Variants in SLC35F3 observed in about 807,000 individuals in gnomAD.
SLC35F3 encodes the protein putative thiamine transporter SLC35F3.
In SLC35F3, 25 loss-of-function variants were observed where a neutral mutation model predicts 49.9. The observed-to-expected ratio is 0.50, with a 90% CI of 0.37 to 0.70. The LOEUF (loss-of-function observed/expected upper bound fraction) is 0.70. SLC35F3 is among the 30% of genes least tolerant of loss of function. The pLI is 0.00. For missense variants in SLC35F3, 525 were observed against 639.8 expected, an observed-to-expected ratio of 0.82 and a Z score of 1.94; for synonymous variants, 275 against 265.4, an observed-to-expected ratio of 1.04 and a Z score of -0.35.
intron 2 of SLC35F3, among the ~76,000 whole-genome samples, chr1:234,192,830 G>A (rs144000890): frequency 2.6e-5 from 4 of 151,970 alleles, no homozygotes; most frequent in East Asian, 1.9e-4. Flanking sequence ...TCAAGAACTC[G>A]ACCCTTTTTA....
intron 2 of SLC35F3, among the ~76,000 whole-genome samples, chr1:234,141,761 C>G (rs917613631): frequency 2.0e-5 from 3 of 152,182 alleles, no homozygotes; most frequent in Non-Finnish European, 4.4e-5. Flanking sequence ...CCTCCCACAC[C>G]TTTGCCCATG....
rs11585103 is a variant in SLC35F3 at position 234,087,656 on chromosome 1, T to C, written c.284-143761T>C. 6.3e-3 allele frequency among the ~76,000 whole-genome samples: 954 copies of C among 152,210 alleles called. 4 individuals are homozygous for C. Among genetic ancestry groups the C allele is most frequent in the South Asian group, 0.024 (114 of 4,818 alleles). ...TGAGCCTTTCAAAGCATAAAACAAA[T>C]TGTATCACTCTTCTGTTAAAAAAAA... On this transcript the variant is annotated intron_variant, in intron 2 of 7. Transcript: ENST00000366618.
chr1:234,125,341 A>G (rs973092908), intron 2 of SLC35F3, among the ~76,000 whole-genome samples: 1 of 152,174 alleles, frequency 6.6e-6, no homozygotes, highest in African/African-American at 2.4e-5. Context: ...CTCCATGTCC[A>G]TTTTGAATGG....
At chr1:234,029,908 G>A (rs972705258) in intron 2 of SLC35F3, among the ~76,000 whole-genome samples, 10 of 152,158 alleles carry the variant, frequency 6.6e-5, no homozygotes, top group African/African-American at 2.4e-4. Context: ...ATTTGATTCT[G>A]TACAGAATTT....
chr1:234,257,511 A>G (rs1417567953), intron 3 of SLC35F3, among the ~76,000 whole-genome samples: 1 of 152,258 alleles, frequency 6.6e-6, no homozygotes, highest in East Asian at 1.9e-4. Flanking sequence ...CAGCAAAAGA[A>G]GATGGACAAG....
chr1:234,281,418 C>A (rs1281233340), intron 3 of SLC35F3, among the ~76,000 whole-genome samples: 2 of 152,304 alleles, frequency 1.3e-5, no homozygotes, highest in East Asian at 3.9e-4. Flanking sequence ...CTTATGGCAG[C>A]CCAGGCAGAC....
At chr1:234,092,264 CTT>C (rs1410471238) in intron 2 of SLC35F3, among the ~76,000 whole-genome samples, 2 of 152,164 alleles carry the variant, frequency 1.3e-5, no homozygotes, top group African/African-American at 4.8e-5. Context: ...TTGGGTAAGA[CTT>C]TACCAAAGCA....
chr1:234,030,135 C>T (rs1337960831), intron 2 of SLC35F3, among the ~76,000 whole-genome samples: 1 of 152,146 alleles, frequency 6.6e-6, no homozygotes, highest in African/African-American at 2.4e-5. Context: ...ATACACTATT[C>T]CCAATATTAT....
At chr1:234,058,086 C>CAA (rs1664481633) in intron 2 of SLC35F3, among the ~76,000 whole-genome samples, 7 of 152,072 alleles carry the variant, frequency 4.6e-5, no homozygotes, top group Non-Finnish European at 1.0e-4. Context: ...GGTTTGCATA[C>CAA]ATACCCTTAT....
intron 2 of SLC35F3, among the ~76,000 whole-genome samples, chr1:233,924,024 T>G (rs1662112247): frequency 6.6e-6 from 1 of 152,198 alleles, no homozygotes; most frequent in Non-Finnish European, 1.5e-5. Context: ...AGCTTTTTGA[T>G]GTGCTGCTGG....
chr1:234,259,340 C>T (rs1667866646), intron 3 of SLC35F3, among the ~76,000 whole-genome samples: 1 of 152,156 alleles, frequency 6.6e-6, no homozygotes, highest in South Asian at 2.1e-4. Flanking sequence ...AGCTTCCCAC[C>T]TCCCATTAGC....
intron 2 of SLC35F3, among the ~76,000 whole-genome samples, chr1:233,936,795 C>G (rs1377013121): frequency 1.3e-5 from 2 of 152,034 alleles, no homozygotes; most frequent in Admixed American, 1.3e-4. Context: ...CTTAAGCAGT[C>G]CTCCCACCTC....
chr1:234,164,288 C>T (rs1010948482), intron 2 of SLC35F3, among the ~76,000 whole-genome samples: 3 of 151,282 alleles, frequency 2.0e-5, no homozygotes, highest in Non-Finnish European at 4.4e-5. Context: ...CCCATTCTCT[C>T]TCCCTCTTTC....
At chr1:234,117,036 T>C (rs1266645278) in intron 2 of SLC35F3, among the ~76,000 whole-genome samples, 1 of 152,210 alleles carries the variant, frequency 6.6e-6, no homozygotes, top group Admixed American at 6.5e-5. Context: ...CCAAGGTAGA[T>C]TGCCTTCTTA....
At chr1:234,029,730 C>T (rs1164729615) in intron 2 of SLC35F3, among the ~76,000 whole-genome samples, 2 of 152,150 alleles carry the variant, frequency 1.3e-5, no homozygotes, top group East Asian at 3.9e-4. Flanking sequence ...AACATGGTAG[C>T]ACATGCCTAT....
intron 2 of SLC35F3, among the ~76,000 whole-genome samples, chr1:234,081,163 T>A (rs900472454): frequency 3.3e-5 from 5 of 152,166 alleles, no homozygotes; most frequent in African/African-American, 1.2e-4. Context: ...CATGAACCCA[T>A]GCCTCGGTCA....
rs535292262 is a variant in SLC35F3, at chr1:234,191,552, ACAAACCACCTC to A, written c.284-39861_284-39851del. ...ACCTCAAGGAACTAGAGAAACAAGA[ACAAACCACCTC>A]CAAGCCCAGCAGAAGAAGAGAAATA... On this transcript the variant is annotated intron_variant, in intron 2 of 7. Transcript: ENST00000366618. 3.9e-3 allele frequency among the ~76,000 whole-genome samples: 587 copies of A among 152,212 alleles called. 3 individuals carry two copies. The highest frequency in any genetic ancestry group is 0.014 in the African/African-American group (562 of 41,532).
At chr1:234,056,246 C>G (rs1039747577) in intron 2 of SLC35F3, among the ~76,000 whole-genome samples, 1 of 134,918 alleles carries the variant, frequency 7.4e-6, no homozygotes, top group Non-Finnish European at 1.7e-5. Flanking sequence ...AAATCATGCT[C>G]TTATTTTAAA....
At chr1:233,908,372 A>G (rs1233336033) in intron 2 of SLC35F3, among the ~76,000 whole-genome samples, 1 of 152,050 alleles carries the variant, frequency 6.6e-6, no homozygotes, top group Non-Finnish European at 1.5e-5. Flanking sequence ...CATTTGAATG[A>G]CCCAATATTC....
Sources: allele counts gnomAD v4.1 joint callset (sites outside exome capture counted in the v4.1 genomes callset), GRCh38; gene constraint gnomAD v4.1.1; transcripts MANE v1.5; gene names NCBI Gene and HGNC (gene_info 2026-07-23, HGNC 2026-07-21).